DLGAP4: variants seen among roughly 807,000 people sequenced by gnomAD.
DLGAP4 encodes the protein DLG associated protein 4.
A neutral mutation model predicts 86.9 loss-of-function variants in DLGAP4; 18 were observed. The observed-to-expected ratio is 0.21, with a 90% CI of 0.14 to 0.31. The LOEUF (loss-of-function observed/expected upper bound fraction) is 0.31, where lower values mean the gene tolerates loss of function less well. DLGAP4 is among the 10% of genes least tolerant of loss of function. DLGAP4 has a pLI of 1.00. For missense variants in DLGAP4, 1,085 were observed against 1,362.6 expected (o/e 0.80, Z 3.21); for synonymous variants, 548 against 574.3 (o/e 0.95, Z 0.65).
At chr20:36,348,363 C>T (rs1432419035) in intron 1 of DLGAP4, among the ~76,000 whole-genome samples, 1 of 152,190 alleles carries the variant, frequency 6.6e-6, no homozygotes, top group Non-Finnish European at 1.5e-5. Context: ...CTTTTGAGTG[C>T]TGTGCCAGCT....
At chr20:36,344,424 T>A (rs1344969893) in intron 1 of DLGAP4, among the ~76,000 whole-genome samples, 2 of 152,166 alleles carry the variant, frequency 1.3e-5, no homozygotes, top group Non-Finnish European at 2.9e-5. Context: ...GGCTGATGCT[T>A]ACTGGGCCCC....
intron 10 of DLGAP4, among the ~76,000 whole-genome samples, chr20:36,523,787 CT>C (rs2037529868): frequency 6.6e-6 from 1 of 152,220 alleles, no homozygotes; most frequent in Non-Finnish European, 1.5e-5. Context: ...CCTCAGCCTC[CT>C]GAGTAGCTGG....
chr20:36,399,108 T>G (rs2425250), intron 2 of DLGAP4, among the ~76,000 whole-genome samples: 106,654 of 152,106 alleles, frequency 0.7, 37,758 homozygotes, highest in South Asian at 0.82. Flanking sequence ...CACAAGAATT[T>G]CTTGAACCCA....
chr20:36,466,845 G>GT (rs1178511940), intron 7 of DLGAP4, among the ~76,000 whole-genome samples: 1 of 152,146 alleles, frequency 6.6e-6, no homozygotes, highest in Admixed American at 6.5e-5. Flanking sequence ...CTGAGGTCTG[G>GT]TTTGGCCAGT....
At chr20:36,456,621 T>C (rs571312774) in intron 7 of DLGAP4, among the ~76,000 whole-genome samples, 2 of 152,372 alleles carry the variant, frequency 1.3e-5, no homozygotes, top group Admixed American at 1.3e-4. Flanking sequence ...AGGCTTCCTG[T>C]CTGGGGTCCA....
At chr20:36,313,238 G>T (rs1037657735) in intron 1 of DLGAP4, among the ~76,000 whole-genome samples, 1,761 of 152,236 alleles carry the variant, frequency 0.012, 13 homozygotes, top group Middle Eastern at 0.037. Flanking sequence ...CTTGTAAACG[G>T]GAATCTGGGT....
intron 2 of DLGAP4, among the ~76,000 whole-genome samples, chr20:36,411,797 C>G (rs1488814944): frequency 6.6e-6 from 1 of 152,220 alleles, no homozygotes; most frequent in African/African-American, 2.4e-5. Flanking sequence ...TGCTGTCCCC[C>G]AGCACTCCCT....
At chr20:36,311,860 C>G (rs1183467268) in intron 1 of DLGAP4, among the ~76,000 whole-genome samples, 2 of 152,196 alleles carry the variant, frequency 1.3e-5, no homozygotes, top group Non-Finnish European at 2.9e-5. Flanking sequence ...AGTTTAGAGG[C>G]TGGTCTTAGC....
intron 2 of DLGAP4, among the ~76,000 whole-genome samples, chr20:36,373,986 G>A (rs1463349125): frequency 2.1e-5 from 3 of 143,230 alleles, no homozygotes; most frequent in Admixed American, 7.3e-5. Context: ...GCAGTGAACC[G>A]AGATCGTGCC....
intron 2 of DLGAP4, among the ~76,000 whole-genome samples, chr20:36,391,897 G>A (rs143628217): frequency 3.5e-4 from 53 of 152,334 alleles, no homozygotes; most frequent in African/African-American, 1.1e-3. Context: ...GTGCACCATC[G>A]GGGTTATCCA....
In DLGAP4 at chr20:36,484,628, C is replaced by A. The variant is rs939942433; in HGVS notation, c.1649-12077C>A. Reference sequence around the variant, plus strand: ...GGCCAAAAGGGACTTTCTCTGCTTTCACCCAGCCGGAACTGAGACACCACT... The same window carrying A: ...GGCCAAAAGGGACTTTCTCTGCTTTAACCCAGCCGGAACTGAGACACCACT... On this transcript the variant is annotated intron_variant, in intron 7 of 12. Transcript: ENST00000339266. Among the ~76,000 whole-genome samples the A allele has an allele frequency of 2.0e-5, 3 of 152,258 alleles. No homozygotes were observed. The East Asian group carries it at 5.8e-4, about 29-fold the overall frequency.
intron 2 of DLGAP4, among the ~76,000 whole-genome samples, chr20:36,389,083 G>T (rs572803800): frequency 3.9e-5 from 6 of 152,172 alleles, no homozygotes; most frequent in Non-Finnish European, 8.8e-5. Flanking sequence ...CAGGTTTGCA[G>T]GGTCAGGAGT....
chr20:36,510,143 C>CTT (rs2036609645), intron 10 of DLGAP4, among the ~76,000 whole-genome samples: 1 of 151,318 alleles, frequency 6.6e-6, no homozygotes, highest in Non-Finnish European at 1.5e-5. Flanking sequence ...GGCCTGAAGT[C>CTT]TCTTTCTTTC....
intron 2 of DLGAP4, among the ~76,000 whole-genome samples, chr20:36,415,610 C>G (rs576638442): frequency 1.6e-4 from 24 of 152,278 alleles, no homozygotes; most frequent in Admixed American, 2.6e-4. Flanking sequence ...TCCCAACAAC[C>G]CTTTGAGGAC....
intron 2 of DLGAP4, among the ~76,000 whole-genome samples, chr20:36,406,323 G>C (rs2032319238): frequency 6.6e-6 from 1 of 151,784 alleles, no homozygotes; most frequent in South Asian, 2.1e-4. Context: ...GCGTGAACCT[G>C]GGAGGCGGAG....
chr20:36,367,833 C>T (rs1247320525), intron 2 of DLGAP4, among the ~76,000 whole-genome samples: 1 of 152,182 alleles, frequency 6.6e-6, no homozygotes, highest in East Asian at 1.9e-4. Context: ...TCTGGGGGTG[C>T]AACCACAGTG....
chr20:36,498,179 C>T (rs2035968368), intron 8 of DLGAP4: 1 of 152,256 alleles, frequency 6.6e-6, no homozygotes, highest in Non-Finnish European at 1.5e-5. Context: ...GCTCACTGAG[C>T]AATTTCTTGC....
chr20:36,436,410 T>G, intron 4 of DLGAP4, 60 bp downstream of exon 4: 1 of 1,494,514 alleles, frequency 6.7e-7, no homozygotes, highest in Non-Finnish European at 8.9e-7. Flanking sequence ...CCACTACGAG[T>G]CTTGCTCCCT....
At chr20:36,439,717 G>T in intron 4 of DLGAP4, 37 bp from the exon 5 acceptor site, 1 of 1,578,082 alleles carries the variant, frequency 6.3e-7, no homozygotes, top group Non-Finnish European at 8.6e-7. Flanking sequence ...TGAACAATGG[G>T]TGGGCTGAGC....
Sources: allele counts gnomAD v4.1 joint callset (sites outside exome capture counted in the v4.1 genomes callset), GRCh38; gene constraint gnomAD v4.1.1; transcripts MANE v1.5; gene names NCBI Gene and HGNC (gene_info 2026-07-23, HGNC 2026-07-21).